LGI1: variants seen among roughly 807,000 people sequenced by gnomAD.
The protein encoded by LGI1 is leucine-rich glioma-inactivated protein 1.
LGI1 carries 11 observed loss-of-function variants against 57.7 expected under a neutral mutation model. The ratio of observed to expected loss-of-function variants is 0.19; its 90% CI spans 0.12 to 0.32. The LOEUF is 0.32. Among genes scored for constraint, LGI1 ranks in the 10% least tolerant of loss-of-function variants. LGI1 has a pLI of 1.00. For missense variants in LGI1, 422 were observed against 661.9 expected (o/e 0.64, Z 3.98); for synonymous variants, 222 against 241.9 (o/e 0.92, Z 0.76).
intron 6 of LGI1, 77 bp downstream of exon 6, chr10:93,792,989 ATTT>A: frequency 5.6e-6 from 8 of 1,439,732 alleles, no homozygotes; most frequent in Non-Finnish European, 7.8e-6. Flanking sequence ...AGGAACTGAT[ATTT>A]TTTATATCTT....
intron 4 of LGI1, among the ~76,000 whole-genome samples, chr10:93,783,542 T>G (rs1349824150): frequency 6.6e-6 from 1 of 151,940 alleles, no homozygotes; most frequent in African/African-American, 2.4e-5. Flanking sequence ...CTTCCTGAGG[T>G]GGGGGTCCAC....
Position 93,797,617 on chromosome 10 carries a change from C to T in LGI1, c.1488C>T (p.Tyr496=). The T allele has an allele frequency of 1.2e-6, 2 of 1,614,140 alleles. No individual in the cohort carries two copies. Among genetic ancestry groups the T allele is most frequent in the Non-Finnish European group, 1.7e-6 (2 of 1,180,006 alleles). ...AATATGCAATTCTTGGAAGTGATTA[C>T]TCCTTTACTCAAGTGTATAACTGGG... The part of the protein sequence containing the change: ...NYQYAILGSD[Y]SFTQVYNWDA... Residue 496 remains tyrosine, a synonymous_variant, in exon 8 of 8, where the codon TAC becomes TAT. Transcript: ENST00000371418. This position sits in a 1 kb window ranked among gnomAD's most constrained non-coding sequence, Gnocchi z 6.5.
At chr10:93,776,329 A>G (rs77166222) in intron 2 of LGI1, among the ~76,000 whole-genome samples, 203 of 152,320 alleles carry the variant, frequency 1.3e-3, no homozygotes, top group African/African-American at 4.8e-3. Flanking sequence ...ATTCACTCTT[A>G]TGTATCCATC....
rs754833367 is a variant in LGI1, at chr10:93,777,464, C to G, written c.359+14C>G. On this transcript the variant is annotated intron_variant, in intron 3 of 7. Transcript: ENST00000371418. ...TCTAGAGTATTTGTAAGTAAAAAAG[C>G]TTTTTTAAAACATGATGATTCAGGA... is the stretch of plus-strand genomic sequence containing the variant. 3 of 1,612,842 alleles carry G rather than the reference C, an allele frequency of 1.9e-6. No individual in the cohort carries two copies. In the South Asian group the frequency reaches 3.3e-5, roughly 18 times the overall value.
intron 4 of LGI1, among the ~76,000 whole-genome samples, chr10:93,787,313 C>G (rs571623555): frequency 1.6e-4 from 25 of 152,190 alleles, no homozygotes; most frequent in Non-Finnish European, 2.8e-4. Flanking sequence ...CCCTGCCTCC[C>G]CCACCCTCTG....
intron 2 of LGI1, among the ~76,000 whole-genome samples, chr10:93,761,371 G>A (rs752686980): frequency 6.6e-6 from 1 of 152,224 alleles, no homozygotes; most frequent in Non-Finnish European, 1.5e-5. Context: ...ACTGTGAAGA[G>A]ATAAATTTCA....
intron 4 of LGI1, among the ~76,000 whole-genome samples, chr10:93,780,743 C>G (rs893042026): frequency 5.3e-5 from 8 of 152,146 alleles, no homozygotes; most frequent in African/African-American, 1.7e-4. Context: ...TGCCAGTTAC[C>G]GCAGGACCAG....
At chr10:93,778,689 G>A (rs1181522185) in intron 4 of LGI1, 1 of 152,168 alleles carries the variant, frequency 6.6e-6, no homozygotes, top group Non-Finnish European at 1.5e-5. Flanking sequence ...TACCTAATAT[G>A]TATCTTATCA....
intron 4 of LGI1, 76 bp from the exon 5 acceptor site, chr10:93,790,023 C>G: frequency 2.2e-6 from 3 of 1,386,874 alleles, no homozygotes; most frequent in Non-Finnish European, 3.0e-6. Flanking sequence ...AGAGACTCAT[C>G]ACTAAGCTTT....
chr10:93,779,426 G>A (rs961285282), intron 4 of LGI1, among the ~76,000 whole-genome samples: 32 of 138,176 alleles, frequency 2.3e-4, no homozygotes, highest in Admixed American at 4.4e-4. Context: ...GGGAGGGAGC[G>A]AGGGAGGGAG....
At chr10:93,772,438 T>A (rs901074237) in intron 2 of LGI1, among the ~76,000 whole-genome samples, 23 of 152,184 alleles carry the variant, frequency 1.5e-4, no homozygotes, top group African/African-American at 5.3e-4. Context: ...GTTATAATCA[T>A]GTTTATAATA....
chr10:93,774,736 G>T (rs989436557), intron 2 of LGI1, among the ~76,000 whole-genome samples: 1 of 152,176 alleles, frequency 6.6e-6, no homozygotes, highest in Non-Finnish European at 1.5e-5. Context: ...TTTTTGTGTA[G>T]GTGGGGTGGG....
In LGI1 at chr10:93,795,922, G is replaced by A. The variant is rs564817993; in HGVS notation, c.839-1046G>A. Among the ~76,000 whole-genome samples, 95 of 152,346 alleles carry A rather than the reference G, an allele frequency of 6.2e-4. 1 individual carries two copies. In the East Asian group the frequency reaches 0.018, roughly 29 times the overall value. On this transcript the variant is annotated intron_variant, in intron 7 of 7. Coordinates refer to ENST00000371418, the MANE Select transcript of LGI1 (RefSeq NM_005097.4). ...TTTTGCCTATGGATGAAGCCAATTA[G>A]TAGAAAGAATTAATGTAGAACTTTC...
intron 4 of LGI1, chr10:93,783,058 A>G (rs1319343707): frequency 2.0e-5 from 3 of 152,282 alleles, no homozygotes; most frequent in Non-Finnish European, 4.4e-5. Context: ...CTAGACATTC[A>G]GCTGCGCAAT....
chr10:93,773,872 C>A (rs1164193655), intron 2 of LGI1, among the ~76,000 whole-genome samples: 1 of 152,208 alleles, frequency 6.6e-6, no homozygotes, highest in Non-Finnish European at 1.5e-5. Context: ...TTCCGCACAA[C>A]CTCTGCACAA....
In LGI1 at chr10:93,780,000, A is replaced by G. The variant is rs543322377; in HGVS notation, c.431+2383A>G. The stretch of plus-strand genomic sequence containing the variant: ...TTATCTACAAAAATGGCAATGCCAT[A>G]TGGTTCATCTTAAATAGTTTCTAAG... On this transcript the variant is annotated intron_variant, in intron 4 of 7. Coordinates refer to ENST00000371418, the MANE Select transcript of LGI1 (RefSeq NM_005097.4). Among the ~76,000 whole-genome samples, 82 of 152,354 alleles carry G rather than the reference A, an allele frequency of 5.4e-4. 2 individuals are homozygous for G. The South Asian group carries it at 0.017, about 31-fold the overall frequency.
At chr10:93,762,800 C>T (rs1427611874) in intron 2 of LGI1, 8 of 152,038 alleles carry the variant, frequency 5.3e-5, no homozygotes, top group South Asian at 2.1e-4. Flanking sequence ...ATTTTAGATT[C>T]GAGGGTCCAT....
intron 4 of LGI1, among the ~76,000 whole-genome samples, chr10:93,781,182 C>T (rs2059843721): frequency 6.6e-6 from 1 of 151,876 alleles, no homozygotes; most frequent in Non-Finnish European, 1.5e-5. Context: ...CATGGTGAAA[C>T]CCCATCTCTA....
chr10:93,788,585 T>A (rs1311763822), intron 4 of LGI1: 1 of 152,188 alleles, frequency 6.6e-6, no homozygotes, highest in East Asian at 1.9e-4. Flanking sequence ...TAGCTCAGAA[T>A]CACTCCAAAA....
Sources: gnomAD v4.1 joint callset for allele counts (sites outside exome capture counted in the v4.1 genomes callset) on GRCh38, gnomAD v4.1.1 for gene constraint, Gnocchi (gnomAD v3.1) non-coding constraint, MANE v1.5 for transcripts, NCBI Gene and HGNC (gene_info 2026-07-23, HGNC 2026-07-21) for gene names.